Variants in GPAM observed in about 807,000 individuals in gnomAD.
GPAM encodes the protein glycerol-3-phosphate acyltransferase, mitochondrial.
Under a neutral mutation model 105.0 loss-of-function variants are expected in GPAM, and 56 were observed. The ratio of observed to expected loss-of-function variants is 0.53; its 90% CI spans 0.43 to 0.67. GPAM has a LOEUF of 0.67. GPAM is among the 30% of genes least tolerant of loss of function. GPAM has a pLI of 0.00. For synonymous variants in GPAM, 368 were observed against 354.4 expected (o/e 1.04, Z -0.43); for missense variants, 855 against 989.8 (o/e 0.86, Z 1.83).
chr10:112,162,212 T>C (rs1847136853), intron 14 of GPAM, among the ~76,000 whole-genome samples: 1 of 152,146 alleles, frequency 6.6e-6, no homozygotes, highest in African/African-American at 2.4e-5. Context: ...GTCAGAAAAA[T>C]CTGGGCTCAA....
intron 1 of GPAM, among the ~76,000 whole-genome samples, chr10:112,193,589 C>T (rs1589604816): frequency 6.6e-6 from 1 of 152,140 alleles, no homozygotes; most frequent in Non-Finnish European, 1.5e-5. Context: ...AACTGAGGCA[C>T]CAGGAGAGGT....
Position 112,153,022 on chromosome 10 carries a change from T to A in GPAM, c.*528A>T. ...TCAGTCCACTCAATTTATAAAGCAC[T>A]TTGGGATAAAAGGTGCTCCCATTAA... On this transcript the variant is annotated 3_prime_UTR_variant, in exon 22 of 22. Coordinates refer to ENST00000348367, the MANE Select transcript of GPAM (RefSeq NM_001244949.2). The A allele has an allele frequency of 1.8e-6, 1 of 551,024 alleles. No homozygotes were observed. The highest frequency in any genetic ancestry group is 2.3e-6 in the Non-Finnish European group (1 of 427,950). The allele number at this position is 551,024 out of a possible 1,614,324, so 34.1% of individuals were successfully genotyped here.
At chr10:112,192,253 G>A (rs556900200) in intron 1 of GPAM, among the ~76,000 whole-genome samples, 1 of 152,302 alleles carries the variant, frequency 6.6e-6, no homozygotes, top group Admixed American at 6.5e-5. Flanking sequence ...CAGGCATCCT[G>A]CTAAGTGCTG....
At chr10:112,166,909 G>C (rs1847228113) in intron 11 of GPAM, among the ~76,000 whole-genome samples, 1 of 152,170 alleles carries the variant, frequency 6.6e-6, no homozygotes, top group African/African-American at 2.4e-5. Flanking sequence ...ATGATCACCA[G>C]AGTCTAAATG....
chr10:112,153,604 A>T lies in GPAM; in HGVS notation c.2433T>A (p.Pro811=). 6.8e-6 allele frequency: 11 copies of T among 1,613,968 alleles called. No individual in the cohort carries two copies. Among genetic ancestry groups the T allele is most frequent in the Non-Finnish European group, 9.3e-6 (11 of 1,179,878 alleles). The change falls in exon 22 of 22, where the codon CCT becomes CCA. Residue 811 remains proline, a synonymous_variant. Transcript: ENST00000348367. ...SVLELSSTFL[P]QCNRQKLLEY... ...CTAGAAGTTTTTGTCGGTTGCATTG[A>T]GGTAGAAAAGTGCTGCTCAGTTCTA...
At chr10:112,173,235 T>C (rs1430300610) in intron 7 of GPAM, among the ~76,000 whole-genome samples, 169 bp from the exon 8 acceptor site, 1 of 129,904 alleles carries the variant, frequency 7.7e-6, no homozygotes, top group Non-Finnish European at 1.6e-5. Context: ...TCTGAATTGC[T>C]GAACTAGAGC....
chr10:112,195,057 T>A (rs1847706892), intron 1 of GPAM, among the ~76,000 whole-genome samples: 1 of 152,114 alleles, frequency 6.6e-6, no homozygotes, highest in African/African-American at 2.4e-5. Flanking sequence ...GCCCCACATC[T>A]ACTTCTGCAC....
chr10:112,182,707 T>A (rs1226922709), intron 2 of GPAM, 87 bp downstream of exon 2: 1 of 152,242 alleles, frequency 6.6e-6, no homozygotes, highest in African/African-American at 2.4e-5. Flanking sequence ...GTCACTGTTA[T>A]TCTCGGCATA....
At chr10:112,220,968 G>A in the GPAM span, among the ~76,000 whole-genome samples, 32 of 152,166 alleles carry the variant, frequency 2.1e-4, no homozygotes, top group South Asian at 4.1e-4. Flanking sequence ...TGGGTTAGAC[G>A]TGATTAATGA....
At chr10:112,207,305 C>A (rs1369294120) in intron 1 of GPAM, among the ~76,000 whole-genome samples, 1 of 152,188 alleles carries the variant, frequency 6.6e-6, no homozygotes, top group Non-Finnish European at 1.5e-5. Context: ...TCTGATCCAA[C>A]CTAACACATT....
chr10:112,155,690 G>A (rs1428527994), intron 20 of GPAM, 174 bp downstream of exon 20: 7 of 563,614 alleles, frequency 1.2e-5, no homozygotes, highest in African/African-American at 9.4e-5. Flanking sequence ...AGATGTAAGA[G>A]TGTATAACTG....
upstream of GPAM, among the ~76,000 whole-genome samples, chr10:112,217,245 C>G (rs1290390694): frequency 6.6e-6 from 1 of 152,158 alleles, no homozygotes; most frequent in African/African-American, 2.4e-5. Context: ...CTGGACATTT[C>G]CTATAAATGC....
intron 4 of GPAM, among the ~76,000 whole-genome samples, chr10:112,179,166 C>A (rs932613745): frequency 1.3e-5 from 2 of 151,810 alleles, no homozygotes; most frequent in African/African-American, 4.9e-5. Context: ...TTTAAATGAT[C>A]ATGTCATGGA....
upstream of GPAM, among the ~76,000 whole-genome samples, chr10:112,185,400 T>G (rs1847580078): frequency 6.7e-6 from 1 of 149,610 alleles, no homozygotes; most frequent in Non-Finnish European, 1.5e-5. Context: ...AACAAGGACA[T>G]TAAGAAAGTA....
chr10:112,217,107 G>A (rs1847979181), upstream of GPAM, among the ~76,000 whole-genome samples: 1 of 152,080 alleles, frequency 6.6e-6, no homozygotes, highest in Non-Finnish European at 1.5e-5. Context: ...ATGAATTTTA[G>A]AACATTCCAT....
chr10:112,202,008 T>C (rs1025534245), intron 1 of GPAM, among the ~76,000 whole-genome samples: 2 of 152,188 alleles, frequency 1.3e-5, no homozygotes, highest in African/African-American at 4.8e-5. Context: ...ATGGTACAGG[T>C]TAGGTTTTGC....
chr10:112,157,424 T>C (rs761235440), intron 18 of GPAM, 35 bp from the exon 19 acceptor site: 8 of 1,606,014 alleles, frequency 5.0e-6, no homozygotes, highest in South Asian at 1.1e-5. Context: ...TAAATAAATA[T>C]GCACTGGCAC....
At chr10:112,155,842 A>T in intron 20 of GPAM, 22 bp downstream of exon 20, 1 of 1,436,348 alleles carries the variant, frequency 7.0e-7, no homozygotes, top group East Asian at 2.3e-5. Context: ...ATTTTAAAAG[A>T]ATAAATAGTG....
At chr10:112,159,811 A>T (rs1048843802) in intron 17 of GPAM, 100 bp downstream of exon 17, 71 of 1,152,824 alleles carry the variant, frequency 6.2e-5, no homozygotes, top group Non-Finnish European at 8.4e-5. Context: ...AAGTATCAAC[A>T]ATGGGTCAAA....
Sources: allele counts gnomAD v4.1 joint callset (sites outside exome capture counted in the v4.1 genomes callset), GRCh38; gene constraint gnomAD v4.1.1; transcripts MANE v1.5; gene names NCBI Gene and HGNC (gene_info 2026-07-23, HGNC 2026-07-21).